Variants in PIH1D2 observed in about 807,000 individuals in gnomAD.
PIH1D2 encodes PIH1 domain containing 2, also known as PIH1 domain-containing protein 2.
In PIH1D2, 25 loss-of-function variants were observed where a neutral mutation model predicts 31.2. The ratio of observed to expected loss-of-function variants is 0.80; its 90% CI spans 0.58 to 1.12. PIH1D2 has a LOEUF of 1.12. Ranked by LOEUF, PIH1D2 falls within the 50% of genes most tolerant of loss-of-function variation. PIH1D2 has a pLI of 0.00. For missense variants in PIH1D2, 310 were observed against 356.6 expected (o/e 0.87, Z 1.05); for synonymous variants, 116 against 119.9 (o/e 0.97, Z 0.21).
At chr11:112,060,025 C>T (rs1864457554), downstream of PIH1D2, 2 of 1,613,940 alleles carry the variant, frequency 1.2e-6, no homozygotes, top group Admixed American at 3.3e-5. Context: ...TCTTTAGCAA[C>T]CAAAGCAAGA....
chr11:112,061,227 A>G (rs1274446052), downstream of PIH1D2: 13 of 1,605,448 alleles, frequency 8.1e-6, no homozygotes, highest in East Asian at 1.3e-4. Flanking sequence ...TACACTGTAC[A>G]CTTGTCCTGT....
At chr11:112,057,117 A>G in the PIH1D2 span, among the ~76,000 whole-genome samples, 1 of 152,292 alleles carries the variant, frequency 6.6e-6, no homozygotes, top group Admixed American at 6.5e-5. Context: ...TGCCCCATGA[A>G]CCATGCCCAT....
chr11:112,060,547 C>T (rs1864520963), downstream of PIH1D2, among the ~76,000 whole-genome samples: 2 of 152,030 alleles, frequency 1.3e-5, no homozygotes, highest in African/African-American at 2.4e-5. Flanking sequence ...CTCCGCCTCC[C>T]AGGTTCAAGC....
At chr11:112,066,822 C>T (rs899937497), downstream of PIH1D2, among the ~76,000 whole-genome samples, 5 of 151,298 alleles carry the variant, frequency 3.3e-5, no homozygotes, top group East Asian at 2.0e-4. Flanking sequence ...CAGCACTTTG[C>T]GAGGCTGAGG....
the PIH1D2 span, among the ~76,000 whole-genome samples, chr11:112,053,967 C>A: frequency 6.6e-6 from 1 of 152,048 alleles, no homozygotes; most frequent in Non-Finnish European, 1.5e-5. Context: ...TACATACACA[C>A]ACATAACACC....
In PIH1D2 at chr11:112,067,916, A is replaced by G; in HGVS notation, c.903T>C (p.Phe301=). ...TGATTAGCGTGGATTTTTCTTTGAT[A>G]AATTTTGCTGTGGTCATTTCAGTAT... The part of the protein sequence containing the change: ...LIDTEMTTAK[F]IKEKSTLIIT... Residue 301 remains phenylalanine, a synonymous_variant, in exon 6 of 6, where the codon TTT becomes TTC. Transcript: ENST00000280350. The G allele has an allele frequency of 6.2e-7, 1 of 1,611,128 alleles. No individual in the cohort carries two copies. Among genetic ancestry groups the G allele is most frequent in the Non-Finnish European group, 8.5e-7 (1 of 1,178,016 alleles).
At position 112,071,181 on chromosome 11, in the gene PIH1D2, C is replaced by T. The variant is rs151247493; in HGVS notation, c.404G>A (p.Cys135Tyr). The T allele has an allele frequency of 2.2e-4, 354 of 1,613,798 alleles. 2 individuals carry two copies. The African/African-American group carries it at 4.0e-3, about 18-fold the overall frequency. ...KNQLIQMAMK[C>Y]IEEKFQFTLS... ...GGTGAACTGGAATTTCTCCTCAATG[C>T]ATTTCATGGCCATCTGAATTAACTG... Residue 135 changes from cysteine to tyrosine, a missense_variant, in exon 4 of 6, where the codon TGC becomes TAC. Cys to Tyr is a radical substitution (Grantham distance 194). Coordinates refer to ENST00000280350, the MANE Select transcript of PIH1D2 (RefSeq NM_138789.4).
chr11:112,062,618 C>A (rs1363943528), downstream of PIH1D2: 3 of 1,471,490 alleles, frequency 2.0e-6, no homozygotes, highest in East Asian at 2.4e-5. Flanking sequence ...ACAGGTGGTT[C>A]TTTTTATTTT....
chr11:112,071,569 A>G, intron 3 of PIH1D2, 66 bp downstream of exon 3: 1 of 1,534,582 alleles, frequency 6.5e-7, no homozygotes. Context: ...AATGCTCTCA[A>G]CCAAGTAAGA....
chr11:112,070,586 A>G lies in PIH1D2; in HGVS notation c.663T>C (p.Ile221=), dbSNP rs201221676. 531 of 1,614,172 alleles carry G rather than the reference A, an allele frequency of 3.3e-4. 10 individuals carry two copies. The South Asian group carries it at 5.6e-3, about 17-fold the overall frequency. The change falls in exon 5 of 6, where the codon ATT becomes ATC. Residue 221 remains isoleucine, a synonymous_variant. Coordinates refer to ENST00000280350, the MANE Select transcript of PIH1D2 (RefSeq NM_138789.4). The part of the protein sequence containing the change: ...SGKAVCLIEE[I]SSTEIQVEMK... ...TCTCCACCTGGATTTCAGTACTGGA[A>G]ATCTCTTCTATCAGACACACTGCTT...
chr11:112,066,773 A>G (rs1864939375), downstream of PIH1D2, among the ~76,000 whole-genome samples: 1 of 151,978 alleles, frequency 6.6e-6, no homozygotes, highest in African/African-American at 2.4e-5. Flanking sequence ...TGAAGTACAG[A>G]GGTTAGGGGC....
chr11:112,053,484 T>C, the PIH1D2 span, among the ~76,000 whole-genome samples: 1 of 152,150 alleles, frequency 6.6e-6, no homozygotes, highest in Non-Finnish European at 1.5e-5. Flanking sequence ...ACAGAGTCTC[T>C]TTCTGTCGCC....
chr11:112,071,434 C>T, intron 3 of PIH1D2, 151 bp from the exon 4 acceptor site: 3 of 1,269,072 alleles, frequency 2.4e-6, no homozygotes, highest in Non-Finnish European at 3.2e-6. Context: ...GCAATTATGA[C>T]ATTTCTTGGC....
the PIH1D2 span, among the ~76,000 whole-genome samples, chr11:112,055,405 G>C: frequency 6.6e-6 from 1 of 151,476 alleles, no homozygotes; most frequent in African/African-American, 2.4e-5. Flanking sequence ...CACCACGCCC[G>C]GCTAATTTTT....
At chr11:112,061,300 C>T (rs1864606228), downstream of PIH1D2, 1 of 939,728 alleles carries the variant, frequency 1.1e-6, no homozygotes, top group East Asian at 2.5e-5. Context: ...ATGCTCAAGT[C>T]CCTGATATGA....
downstream of PIH1D2, chr11:112,062,326 G>T: frequency 6.8e-7 from 1 of 1,471,496 alleles, no homozygotes; most frequent in Non-Finnish European, 9.5e-7. Context: ...TTATAGGGTA[G>T]GAGTGAGCAT....
At chr11:112,059,353 CTTT>C (rs1229235062), downstream of PIH1D2, among the ~76,000 whole-genome samples, 3 of 130,638 alleles carry the variant, frequency 2.3e-5, no homozygotes, top group African/African-American at 2.8e-5. Context: ...ATTTCTCATT[CTTT>C]TTTTTTTTTT....
At chr11:112,058,788 T>C (rs1592726110), downstream of PIH1D2, among the ~76,000 whole-genome samples, 1 of 152,256 alleles carries the variant, frequency 6.6e-6, no homozygotes, top group East Asian at 1.9e-4. Flanking sequence ...CAAAATGTTA[T>C]TTTGTTCATC....
chr11:112,064,161 C>T (rs1555183600), downstream of PIH1D2: 1 of 1,561,208 alleles, frequency 6.4e-7, no homozygotes, highest in Non-Finnish European at 8.7e-7. Context: ...AAATCTGGTT[C>T]AAACATTCAA....
Sources: allele counts gnomAD v4.1 joint callset (sites outside exome capture counted in the v4.1 genomes callset), GRCh38; gene constraint gnomAD v4.1.1; transcripts MANE v1.5; gene names NCBI Gene and HGNC (gene_info 2026-07-23, HGNC 2026-07-21).